Variants in GARRE1 observed in about 807,000 individuals in gnomAD.
GARRE1 encodes the protein granule associated Rac and RHOG effector protein 1.
GARRE1 carries 49 observed loss-of-function variants against 103.2 expected under a neutral mutation model. The ratio of observed to expected loss-of-function variants is 0.47; its 90% CI spans 0.38 to 0.60. GARRE1 has a LOEUF of 0.60. Ranked by LOEUF, GARRE1 falls within the 20% of genes least tolerant of loss-of-function variation. GARRE1 has a pLI of 0.00. For synonymous variants in GARRE1, 505 were observed against 532.8 expected, an observed-to-expected ratio of 0.95 and a Z score of 0.72; for missense variants, 1,199 against 1,370.5, an observed-to-expected ratio of 0.87 and a Z score of 1.98.
At chr19:34,327,335 G>T (rs997677298) in intron 3 of GARRE1, 86 bp from the exon 4 acceptor site, 4 of 1,245,536 alleles carry the variant, frequency 3.2e-6, no homozygotes, top group African/African-American at 1.5e-5. Flanking sequence ...ACTTGAGGGG[G>T]TTTTTCTTGT....
intron 10 of GARRE1, among the ~76,000 whole-genome samples, chr19:34,345,608 C>T (rs766997567): frequency 3.9e-5 from 6 of 152,138 alleles, no homozygotes; most frequent in African/African-American, 7.2e-5. Context: ...TTGCTTGAGG[C>T]CAGGAGTTCA....
intron 3 of GARRE1, among the ~76,000 whole-genome samples, chr19:34,320,557 A>G (rs985806102): frequency 1.4e-4 from 22 of 152,284 alleles, no homozygotes; most frequent in Middle Eastern, 3.4e-3. Context: ...GGCGAGCAGG[A>G]GTGTTTGGCA....
chr19:34,262,516 G>T (rs2073725256), intron 1 of GARRE1, among the ~76,000 whole-genome samples: 1 of 151,370 alleles, frequency 6.6e-6, no homozygotes, highest in Non-Finnish European at 1.5e-5. Flanking sequence ...GGCTGGTCTG[G>T]AACTCCTGAC....
At chr19:34,296,513 C>G in intron 1 of GARRE1, 2 of 1,595,508 alleles carry the variant, frequency 1.3e-6, no homozygotes, top group Non-Finnish European at 1.7e-6. Flanking sequence ...CCTCCTTGGG[C>G]TTTACGAGGG....
At position 34,347,901 on chromosome 19, in the gene GARRE1, G is replaced by T; in HGVS notation, c.2546G>T (p.Arg849Leu). ...PAVGSDPEFA[R>L]YVAGVSQAMQ... ...GTGGGCTCAGACCCAGAGTTTGCAC[G>T]CTATGTGGCAGGAGTGAGCCAGGCG... Residue 849 changes from arginine (R) to leucine (L), a missense_variant, in exon 11 of 14, where the codon CGC becomes CTC. Physicochemically the swap from Arg to Leu is moderately radical, Grantham distance 102. Coordinates refer to ENST00000299505, the MANE Select transcript of GARRE1 (RefSeq NM_014686.5). The T allele has an allele frequency of 6.4e-7, 1 of 1,573,100 alleles. No individual in the cohort carries two copies. The highest frequency in any genetic ancestry group is 8.6e-7 in the Non-Finnish European group (1 of 1,157,002).
intron 2 of GARRE1, among the ~76,000 whole-genome samples, chr19:34,314,070 G>A (rs2599555): frequency 0.43 from 65,534 of 151,888 alleles, 17,107 homozygotes; most frequent in Non-Finnish European, 0.59. Context: ...CAAAGTGCTG[G>A]GATTACAGGC....
rs57777660 is a variant in GARRE1, at chr19:34,301,513, C to CA, written c.495+570dup. Among the ~76,000 whole-genome samples, 336 of 85,352 alleles carry CA rather than the reference C, an allele frequency of 3.9e-3. 10 individuals carry two copies. In the East Asian group the frequency reaches 0.053, roughly 13 times the overall value. 56.0% of individuals were successfully genotyped at this position (85,352 alleles called of 152,430 possible). A position where few individuals can be genotyped will look rare whatever the true frequency, so the allele number is the denominator to read the frequency against. On this transcript the variant is annotated intron_variant, in intron 2 of 13. Coordinates refer to ENST00000299505, the MANE Select transcript of GARRE1 (RefSeq NM_014686.5). The stretch of plus-strand genomic sequence containing the variant: ...TGGACGGCAGAGTGAGACCATGTCT[C>CA]AAAAAAAAAAAAAAAAAAAAAAAAA...
intron 12 of GARRE1, among the ~76,000 whole-genome samples, chr19:34,350,279 C>T (rs1001255506): frequency 6.6e-6 from 1 of 152,122 alleles, no homozygotes; most frequent in African/African-American, 2.4e-5. Context: ...GGATGACACG[C>T]AAGTTTTCTG....
In GARRE1 at chr19:34,352,078, A is replaced by G. The variant is rs551762421; in HGVS notation, c.2904+486A>G. Among the ~76,000 whole-genome samples, 4 of 152,150 alleles carry G rather than the reference A, an allele frequency of 2.6e-5. No homozygotes were observed. The South Asian group carries it at 8.3e-4, about 32-fold the overall frequency. Reference sequence around the variant, plus strand: ...GCACCATTGCACTCCAGCCTGGGTGACAGAGCGAGACTGCCTCTAAAATAC... The same window carrying G: ...GCACCATTGCACTCCAGCCTGGGTGGCAGAGCGAGACTGCCTCTAAAATAC... On this transcript the variant is annotated intron_variant, in intron 13 of 13. Coordinates refer to ENST00000299505, the MANE Select transcript of GARRE1 (RefSeq NM_014686.5).
Position 34,339,904 on chromosome 19 carries a change from C to CAG in GARRE1, c.1403_1404dup (p.Ser469GlufsTer11). On this transcript the variant is annotated frameshift_variant, in exon 9 of 14. Coordinates refer to ENST00000299505, the MANE Select transcript of GARRE1 (RefSeq NM_014686.5). LOFTEE classifies it high-confidence loss of function. ...AGACCCTGCTACCATGTCCCTGCTG[C>CAG]AGAGAAGCCTTGATCCTGAGAAGAC... 6.2e-7 allele frequency: 1 copy of CAG among 1,614,200 alleles called. No individual in the cohort carries two copies. Among genetic ancestry groups the CAG allele is most frequent in the Non-Finnish European group, 8.5e-7 (1 of 1,180,038 alleles).
At chr19:34,316,988 T>C (rs1000221531) in intron 2 of GARRE1, among the ~76,000 whole-genome samples, 1 of 152,206 alleles carries the variant, frequency 6.6e-6, no homozygotes, top group African/African-American at 2.4e-5. Flanking sequence ...GCAAGAGGGC[T>C]TCCTCCACCT....
intron 1 of GARRE1, among the ~76,000 whole-genome samples, chr19:34,289,356 T>C (rs1314672991): frequency 6.6e-6 from 1 of 151,310 alleles, no homozygotes; most frequent in Non-Finnish European, 1.5e-5. Flanking sequence ...TCACTTGAGC[T>C]CAGGAGCTCA....
intron 1 of GARRE1, among the ~76,000 whole-genome samples, 176 bp downstream of exon 1, chr19:34,254,790 C>A (rs971661748): frequency 6.7e-6 from 1 of 149,160 alleles, no homozygotes. Context: ...CTTGCCCGCC[C>A]GCTGTGGAGG....
chr19:34,277,671 A>G (rs1232857318), intron 1 of GARRE1, among the ~76,000 whole-genome samples: 2 of 152,190 alleles, frequency 1.3e-5, no homozygotes, highest in African/African-American at 4.8e-5. Flanking sequence ...TTCAGGTGTT[A>G]TGCCTGATTC....
intron 9 of GARRE1, among the ~76,000 whole-genome samples, chr19:34,340,479 T>TTTC (rs1555711116): frequency 3.9e-5 from 6 of 152,072 alleles, no homozygotes; most frequent in Non-Finnish European, 8.8e-5. Context: ...TTTTCTGTCT[T>TTTC]GGTCTTTGTC....
At chr19:34,259,169 A>C (rs1322490449) in intron 1 of GARRE1, among the ~76,000 whole-genome samples, 2 of 152,242 alleles carry the variant, frequency 1.3e-5, no homozygotes, top group Non-Finnish European at 2.9e-5. Flanking sequence ...CCCTGTCTCA[A>C]AATAAATAAG....
intron 1 of GARRE1, 86 bp from the exon 2 acceptor site, chr19:34,299,593 C>T (rs1366030841): frequency 6.6e-6 from 1 of 152,164 alleles, no homozygotes; most frequent in Non-Finnish European, 1.5e-5. Context: ...ATTTGTAGCC[C>T]ACCTGTGTGG....
intron 10 of GARRE1, among the ~76,000 whole-genome samples, chr19:34,346,680 G>T (rs976400229): frequency 6.6e-6 from 1 of 152,114 alleles, no homozygotes; most frequent in Non-Finnish European, 1.5e-5. Flanking sequence ...GCAATAGCGC[G>T]ATCTTGGCTC....
chr19:34,305,696 G>T (rs571875537), intron 2 of GARRE1, among the ~76,000 whole-genome samples: 1 of 152,298 alleles, frequency 6.6e-6, no homozygotes, highest in South Asian at 2.1e-4. Flanking sequence ...AAGCCGCTGG[G>T]GCACAGCAGT....
Sources: allele counts gnomAD v4.1 joint callset (sites outside exome capture counted in the v4.1 genomes callset), GRCh38; gene constraint gnomAD v4.1.1; transcripts MANE v1.5; gene names NCBI Gene and HGNC (gene_info 2026-07-23, HGNC 2026-07-21).